The following RESF1 variants were observed in gnomAD, a reference collection of about 807,000 sequenced individuals.
RESF1 encodes gonad expressed transcript.
In RESF1, 65 loss-of-function variants were observed where a neutral mutation model predicts 134.7. The ratio of observed to expected loss-of-function variants is 0.48; its 90% confidence interval spans 0.40 to 0.59. The LOEUF (loss-of-function observed/expected upper bound fraction) is 0.59. Ranked by LOEUF, RESF1 falls within the 20% of genes least tolerant of loss-of-function variation. The probability of loss-of-function intolerance (pLI) is 0.00; values close to 1 mark genes in which losing one functional copy is unlikely to be tolerated. For synonymous variants in RESF1, 762 were observed against 702.2 expected (o/e 1.09, Z -1.35); for missense variants, 2,274 against 2,002.7 (o/e 1.14, Z -2.59).
rs375195856 is a variant in RESF1, at chr12:31,982,387, A to G, written c.1432A>G (p.Thr478Ala). Residue 478 changes from threonine to alanine, a missense_variant, in exon 4 of 6, where the codon ACA becomes GCA. Thr to Ala is a moderately conservative substitution (Grantham distance 58). Coordinates refer to ENST00000312561, the MANE Select transcript of RESF1 (RefSeq NM_018169.4). ...ACCAACAGTAGTGGAATCTGCAGAA[A>G]CAAATAAGACTCAATGTATGTTGAA... ...QTPTVVESAE[T>A]NKTQCMLNSD... 4.3e-5 allele frequency: 69 copies of G among 1,614,056 alleles called. No individual in the cohort carries two copies. The Admixed American group carries it at 6.3e-4, about 15-fold the overall frequency.
chr12:31,959,504 C>CG lies in RESF1; in HGVS notation c.-342+14dup, dbSNP rs1237298678. On this transcript the variant is annotated intron_variant, in intron 1 of 5. Coordinates refer to ENST00000312561, the MANE Select transcript of RESF1 (RefSeq NM_018169.4). ...CTTCCCTTTGTCGGTAAGTGTGAGACGAGCACCCCGAGGTCCCTCCGCCTT... is the reference window on the plus strand; with the variant it reads ...CTTCCCTTTGTCGGTAAGTGTGAGACGGAGCACCCCGAGGTCCCTCCGCCTT... The CG allele has an allele frequency of 6.6e-6, 1 of 152,270 alleles. No homozygotes were observed. The highest frequency in any genetic ancestry group is 1.5e-5 in the Non-Finnish European group (1 of 68,080). The allele number at this position is 152,270 out of a possible 1,614,324, so 9.4% of individuals were successfully genotyped here.
chr12:31,967,577 T>A (rs1939423743), intron 2 of RESF1, among the ~76,000 whole-genome samples: 1 of 152,228 alleles, frequency 6.6e-6, no homozygotes, highest in African/African-American at 2.4e-5. Flanking sequence ...GTTTTTTGTT[T>A]TTTTTAATGT....
intron 3 of RESF1, among the ~76,000 whole-genome samples, chr12:31,980,532 AT>A (rs1939757374): frequency 6.6e-6 from 1 of 152,016 alleles, no homozygotes. Flanking sequence ...TTTTTTTTAA[AT>A]TCTCATTTTT....
intron 3 of RESF1, among the ~76,000 whole-genome samples, chr12:31,979,111 G>T (rs373308037): frequency 6.6e-6 from 1 of 151,710 alleles, no homozygotes; most frequent in Non-Finnish European, 1.5e-5. Context: ...TAGTAGAGAC[G>T]GGGTTTCACT....
At position 31,992,567 on chromosome 12, in the gene RESF1, G is replaced by C. The variant is rs1214383707; in HGVS notation, c.*32G>C. On this transcript the variant is annotated 3_prime_UTR_variant, in exon 6 of 6. Transcript: ENST00000312561. ...GATGTGGTTTTGTAATTGCCACTGGGAAATTTCTTTCCTTTTCTGTTCAAA... is the reference window on the plus strand; with the variant it reads ...GATGTGGTTTTGTAATTGCCACTGGCAAATTTCTTTCCTTTTCTGTTCAAA... The C allele has an allele frequency of 3.1e-6, 5 of 1,596,840 alleles. No homozygotes were observed. The highest frequency in any genetic ancestry group is 4.3e-6 in the Non-Finnish European group (5 of 1,168,692).
chr12:31,966,376 T>C (rs1460493446), intron 2 of RESF1, among the ~76,000 whole-genome samples: 1 of 152,210 alleles, frequency 6.6e-6, no homozygotes, highest in Non-Finnish European at 1.5e-5. Flanking sequence ...GCTTCATGTG[T>C]TCTCTGTTGT....
chr12:31,984,367 G>C lies in RESF1; in HGVS notation c.3412G>C (p.Glu1138Gln). The change falls in exon 4 of 6, where the codon GAG (glutamate) becomes CAG (glutamine). Residue 1138 changes from glutamate (E) to glutamine (Q), a missense_variant. Physicochemically the swap from Glu to Gln is conservative, Grantham distance 29 (BLOSUM62 2). Coordinates refer to ENST00000312561, the MANE Select transcript of RESF1 (RefSeq NM_018169.4). ...CAAGTTGGCAGAACCTCAGAAAGAA[G>C]AGCCCATCACAGAAGTAGTTAGCCA... ...VDKLAEPQKE[E>Q]PITEVVSQCD... 6.2e-7 allele frequency: 1 copy of C among 1,614,160 alleles called. No homozygotes were observed.
At chr12:31,979,671 G>A (rs996111381) in intron 3 of RESF1, among the ~76,000 whole-genome samples, 1 of 151,926 alleles carries the variant, frequency 6.6e-6, no homozygotes, top group African/African-American at 2.4e-5. Context: ...TGTTTTCTGA[G>A]TAGGTGGCTG....
At chr12:31,963,921 A>C (rs1939336182) in intron 2 of RESF1, among the ~76,000 whole-genome samples, 1 of 152,176 alleles carries the variant, frequency 6.6e-6, no homozygotes, top group African/African-American at 2.4e-5. Context: ...ACTTTTGCTT[A>C]TTCTTCCATC....
At chr12:31,992,252 C>G in intron 5 of RESF1, 126 bp from the exon 6 acceptor site, 1 of 781,206 alleles carries the variant, frequency 1.3e-6, no homozygotes, top group South Asian at 1.8e-5. Flanking sequence ...GGTTCTGAAA[C>G]TTTTGCTTAA....
At chr12:31,972,650 G>A (rs1939538064) in intron 3 of RESF1, among the ~76,000 whole-genome samples, 1 of 150,378 alleles carries the variant, frequency 6.6e-6, no homozygotes, top group African/African-American at 2.4e-5. Flanking sequence ...GCAGGACTGA[G>A]CCCTAAACTG....
intron 3 of RESF1, among the ~76,000 whole-genome samples, chr12:31,973,381 C>T (rs1939557545): frequency 6.6e-6 from 1 of 151,850 alleles, no homozygotes; most frequent in Non-Finnish European, 1.5e-5. Flanking sequence ...AGTCATAGCA[C>T]ATTACAGCCT....
At position 31,984,598 on chromosome 12, in the gene RESF1, T is replaced by A; in HGVS notation, c.3643T>A (p.Cys1215Ser). The A allele has an allele frequency of 6.3e-7, 1 of 1,579,304 alleles. No homozygotes were observed. Among genetic ancestry groups the A allele is most frequent in the South Asian group, 1.2e-5 (1 of 84,908 alleles). Residue 1215 changes from cysteine (C) to serine (S), a missense_variant, in exon 4 of 6, where the codon TGT becomes AGT. Coordinates refer to ENST00000312561, the MANE Select transcript of RESF1 (RefSeq NM_018169.4). ...EQCSPLDTNS[C>S]KQGERTSDRD... ...GTGTTCTCCTTTGGATACCAACAGTTGTAAACAAGGAGAGAGAACTTCTGA... is the reference window on the plus strand; with the variant it reads ...GTGTTCTCCTTTGGATACCAACAGTAGTAAACAAGGAGAGAGAACTTCTGA...
rs1939805446 is a variant in RESF1, at chr12:31,981,944, A to G, written c.989A>G (p.Asn330Ser). Residue 330 changes from asparagine (N) to serine (S), a missense_variant, in exon 4 of 6, where the codon AAT becomes AGT. By Grantham distance (46) the Asn-to-Ser change is conservative. Transcript: ENST00000312561. ...FQQQWQNPNE[N>S]VSTIGNFTNL... ...CAGCAGTGGCAAAACCCTAATGAAA[A>G]TGTCAGCACAATTGGAAATTTCACT... is the stretch of plus-strand genomic sequence containing the variant. 2 of 1,614,106 alleles carry G rather than the reference A, an allele frequency of 1.2e-6. No individual in the cohort carries two copies.
chr12:31,985,933 A>G lies in RESF1; in HGVS notation c.4978A>G (p.Arg1660Gly). Residue 1660 changes from arginine (R) to glycine (G), a missense_variant, in exon 4 of 6, where the codon AGG (arginine) becomes GGG (glycine). Coordinates refer to ENST00000312561, the MANE Select transcript of RESF1 (RefSeq NM_018169.4). ...EERKDVKPHP[R>G]KEQAPLQVSG... is the part of the protein sequence containing the mutation. ...ACGGAAGGATGTAAAGCCTCATCCT[A>G]GGAAGGAGCAAGCCCCTCTGCAAGG... 2 of 1,497,896 alleles carry G rather than the reference A, an allele frequency of 1.3e-6. No individual in the cohort carries two copies. The highest frequency in any genetic ancestry group is 1.8e-6 in the Non-Finnish European group (2 of 1,130,230). The allele number at this position is 1,497,896 out of a possible 1,614,324, so 92.8% of individuals were successfully genotyped here. A position where few individuals can be genotyped will look rare whatever the true frequency, so the allele number is the denominator to read the frequency against.
chr12:31,971,951 A>G (rs1281499086), intron 3 of RESF1, among the ~76,000 whole-genome samples: 1 of 152,174 alleles, frequency 6.6e-6, no homozygotes. Context: ...GGTTAAGTTG[A>G]TCACCAATAG....
chr12:31,963,669 A>G (rs1224790228), intron 2 of RESF1, among the ~76,000 whole-genome samples: 1 of 152,178 alleles, frequency 6.6e-6, no homozygotes, highest in Non-Finnish European at 1.5e-5. Context: ...CGTCAATTTA[A>G]GAATATTTTA....
At chr12:31,972,856 AATTAC>A (rs138995743) in intron 3 of RESF1, among the ~76,000 whole-genome samples, 312 of 152,260 alleles carry the variant, frequency 2.0e-3, no homozygotes, top group Middle Eastern at 0.01. Flanking sequence ...TTTTTTATAT[AATTAC>A]ATTTACCTCT....
intron 2 of RESF1, among the ~76,000 whole-genome samples, chr12:31,961,851 C>A (rs749322949): frequency 4.6e-5 from 7 of 152,220 alleles, no homozygotes; most frequent in African/African-American, 1.7e-4. Flanking sequence ...ACAGGAATCT[C>A]TCTTCCCTCC....
Sources: gnomAD v4.1 joint callset for allele counts (sites outside exome capture counted in the v4.1 genomes callset) on GRCh38, gnomAD v4.1.1 for gene constraint, MANE v1.5 for transcripts, NCBI Gene and HGNC (gene_info 2026-07-23, HGNC 2026-07-21) for gene names.